ZNF91: variants seen among roughly 807,000 people sequenced by gnomAD.
The protein encoded by ZNF91 is zinc finger protein 91 (HPF7, HTF10).
ZNF91 carries 7 observed loss-of-function variants against 12.6 expected under a neutral mutation model. The observed-to-expected ratio is 0.55, with a 90% CI of 0.31 to 1.04. The LOEUF is 1.04. Among genes scored for constraint, ZNF91 ranks in the 50% least tolerant of loss-of-function variants. The pLI is 0.05. For synonymous variants in ZNF91, 453 were observed against 462.6 expected (o/e 0.98, Z 0.27); for missense variants, 1,217 against 1,385.4 (o/e 0.88, Z 1.93).
At chr19:23,392,396 CAAA>C (rs71163502) in intron 1 of ZNF91, among the ~76,000 whole-genome samples, 3 of 70,400 alleles carry the variant, frequency 4.3e-5, no homozygotes, top group African/African-American at 5.1e-5. Context: ...AACTCCATCT[CAAA>C]AAAAAAAAAA....
chr19:23,384,679 G>T, intron 1 of ZNF91: 1 of 573,662 alleles, frequency 1.7e-6, no homozygotes, highest in South Asian at 2.1e-5. Context: ...GGCCAAGCAT[G>T]ACGTCTTTGG....
At chr19:23,339,487 A>G (rs1000882321) in intron 3 of ZNF91, 44 of 152,352 alleles carry the variant, frequency 2.9e-4, no homozygotes, top group Admixed American at 5.9e-4. Flanking sequence ...AATCTGGCAA[A>G]TCAACAAAGT....
At chr19:23,322,197 A>ACCTAGGT (rs1255932858) in intron 1 of ZNF91, among the ~76,000 whole-genome samples, 3 of 152,198 alleles carry the variant, frequency 2.0e-5, no homozygotes, top group Non-Finnish European at 2.9e-5. Flanking sequence ...CCCTACCCAC[A>ACCTAGGT]GAAGGCATTG....
downstream of ZNF91, among the ~76,000 whole-genome samples, chr19:23,353,788 C>T (rs1968423465): frequency 6.6e-6 from 1 of 152,018 alleles, no homozygotes; most frequent in Admixed American, 6.6e-5. Flanking sequence ...CACTGAAATA[C>T]AAAGAATCAT....
In ZNF91 at chr19:23,395,457, G is replaced by T. The variant is rs1970206527; in HGVS notation, c.-103C>A. The T allele has an allele frequency of 2.2e-5, 32 of 1,426,350 alleles. 2 individuals carry two copies. The South Asian group carries it at 3.8e-4, about 17-fold the overall frequency. The allele number at this position is 1,426,350 out of a possible 1,614,324, so 88.4% of individuals were successfully genotyped here. A position where few individuals can be genotyped will look rare whatever the true frequency, so the allele number is the denominator to read the frequency against. On this transcript the variant is annotated 5_prime_UTR_variant, in exon 1 of 4. Transcript: ENST00000300619. ...GTGAAGTCGAGACCTGGAAACTCCGGCGGCAGCGAGAGACAAAGGCCCAGC... is the reference window on the plus strand; with the variant it reads ...GTGAAGTCGAGACCTGGAAACTCCGTCGGCAGCGAGAGACAAAGGCCCAGC...
In ZNF91 at chr19:23,360,595, T is replaced by C; in HGVS notation, c.2384A>G (p.Glu795Gly). The C allele has an allele frequency of 6.2e-7, 1 of 1,614,048 alleles. No homozygotes were observed. Among genetic ancestry groups the C allele is most frequent in the Non-Finnish European group, 8.5e-7 (1 of 1,179,960 alleles). The change falls in exon 4 of 4, where the codon GAG (glutamate) becomes GGG (glycine). Residue 795 changes from glutamate (E) to glycine (G), a missense_variant. Transcript: ENST00000300619. ...ACATTCTTCACATTTGTAGGGCTTC[T>C]CTCCAGTGTGTATCCTCTTATGTCT... ...LTRHKRIHTGEKPYKCEECGK... is the reference protein window; with the variant it reads ...LTRHKRIHTGGKPYKCEECGK...
intron 1 of ZNF91, among the ~76,000 whole-genome samples, chr19:23,383,185 C>T (rs1003558476): frequency 6.6e-6 from 1 of 152,156 alleles, no homozygotes; most frequent in Non-Finnish European, 1.5e-5. Context: ...GTTGGTTCAA[C>T]ATACACAAAT....
Position 23,359,298 on chromosome 19 carries a change from C to T in ZNF91, c.*105G>A, listed in dbSNP as rs556172275. ...AGTGCAGTGGCGTGATCTCGGCTCA[C>T]TGCAAGCTCCGCCTCCCGGGTTCAC... On this transcript the variant is annotated 3_prime_UTR_variant, in exon 4 of 4. Transcript: ENST00000300619. 4.2e-4 allele frequency: 213 copies of T among 509,886 alleles called. 4 individuals carry two copies. The South Asian group carries it at 4.3e-3, about 10-fold the overall frequency. 31.6% of individuals were successfully genotyped at this position (509,886 alleles called of 1,614,324 possible).
At chr19:23,309,656 C>A (rs1017967876) in intron 1 of ZNF91, among the ~76,000 whole-genome samples, 1 of 152,154 alleles carries the variant, frequency 6.6e-6, no homozygotes, top group African/African-American at 2.4e-5. Flanking sequence ...TGGCTCAGTG[C>A]ACAGGTGCAA....
At chr19:23,393,158 G>A (rs80046975) in intron 1 of ZNF91, among the ~76,000 whole-genome samples, 3,414 of 151,940 alleles carry the variant, frequency 0.022, 53 homozygotes, top group Middle Eastern at 0.044. Flanking sequence ...GAATCCAGGA[G>A]GCAGAAATTA....
intron 3 of ZNF91, among the ~76,000 whole-genome samples, chr19:23,347,794 T>C (rs1371011249): frequency 6.6e-6 from 1 of 152,186 alleles, no homozygotes; most frequent in African/African-American, 2.4e-5. Flanking sequence ...CCACTGCCTT[T>C]TCCTACCCAC....
intron 1 of ZNF91, 114 bp from the exon 2 acceptor site, chr19:23,374,878 G>C: frequency 6.7e-7 from 1 of 1,486,210 alleles, no homozygotes. Flanking sequence ...TATAAGAGTG[G>C]CTGAAATTAT....
intron 1 of ZNF91, among the ~76,000 whole-genome samples, chr19:23,377,070 TAA>T (rs1169427316): frequency 6.6e-6 from 1 of 152,098 alleles, no homozygotes; most frequent in Non-Finnish European, 1.5e-5. Context: ...GATAAAAATA[TAA>T]GTTTCTCTTT....
chr19:23,385,012 A>G, intron 1 of ZNF91: 1 of 1,226,458 alleles, frequency 8.2e-7, no homozygotes, highest in South Asian at 1.2e-5. Context: ...TCTGTTGGAG[A>G]ACGGGACAGT....
intron 1 of ZNF91, among the ~76,000 whole-genome samples, chr19:23,383,784 G>T (rs948207284): frequency 5.3e-5 from 8 of 152,014 alleles, no homozygotes; most frequent in Non-Finnish European, 1.0e-4. Flanking sequence ...AAAATTGGAA[G>T]TCCTGGTCAG....
Position 23,368,105 on chromosome 19 carries a change from T to C in ZNF91, c.254-5380A>G, listed in dbSNP as rs565430227. 2.1e-4 allele frequency among the ~76,000 whole-genome samples: 32 copies of C among 152,160 alleles called. 1 individual carries two copies. Among genetic ancestry groups the C allele is most frequent in the Admixed American group, 2.1e-3 (32 of 15,282 alleles). ...ATGTATTTTTAGTAGAGACAGGGTT[T>C]CACCATGTTGGCCAGGCTGGTCTCG... is the stretch of plus-strand genomic sequence containing the variant. On this transcript the variant is annotated intron_variant, in intron 3 of 3. Transcript: ENST00000300619.
At chr19:23,345,579 A>AC (rs1221113185) in intron 3 of ZNF91, among the ~76,000 whole-genome samples, 4 of 151,812 alleles carry the variant, frequency 2.6e-5, no homozygotes, top group Non-Finnish European at 5.9e-5. Flanking sequence ...TGTTCTCACC[A>AC]CCCAGATTGC....
intron 3 of ZNF91, among the ~76,000 whole-genome samples, chr19:23,342,574 G>C (rs1322400756): frequency 6.6e-6 from 1 of 151,544 alleles, no homozygotes; most frequent in Admixed American, 6.6e-5. Context: ...ATTAGCTCAA[G>C]AGAGGGGAAG....
At chr19:23,307,574 G>T (rs1967414400) in intron 2 of ZNF91, 1 of 152,166 alleles carries the variant, frequency 6.6e-6, no homozygotes, top group South Asian at 2.1e-4. Context: ...CAAATTGCTT[G>T]GTCCAGCACC....
Sources: gnomAD v4.1 joint callset for allele counts (sites outside exome capture counted in the v4.1 genomes callset) on GRCh38, gnomAD v4.1.1 for gene constraint, MANE v1.5 for transcripts, NCBI Gene and HGNC (gene_info 2026-07-23, HGNC 2026-07-21) for gene names.